ERBB4: variants seen among roughly 807,000 people sequenced by gnomAD.
The protein encoded by ERBB4 is erb-b2 receptor tyrosine kinase 4.
A neutral mutation model predicts 158.0 loss-of-function variants in ERBB4; 42 were observed. The ratio of observed to expected loss-of-function variants is 0.27; its 90% CI spans 0.21 to 0.34. ERBB4 has a LOEUF of 0.34. ERBB4 is among the 10% of genes least tolerant of loss of function. The pLI, the probability that ERBB4 is intolerant of heterozygous loss-of-function variation, is 1.00. For missense variants in ERBB4, 1,333 were observed against 1,624.1 expected, an observed-to-expected ratio of 0.82 and a Z score of 3.08; for synonymous variants, 583 against 558.7, an observed-to-expected ratio of 1.04 and a Z score of -0.61.
chr2:212,481,815 A>G (rs1410688910), intron 1 of ERBB4, among the ~76,000 whole-genome samples: 1 of 152,246 alleles, frequency 6.6e-6, no homozygotes, highest in African/African-American at 2.4e-5. Flanking sequence ...TAAAGTATTT[A>G]AAGAAAGCTG....
At chr2:211,475,674 GAAT>G (rs2064936341) in intron 20 of ERBB4, among the ~76,000 whole-genome samples, 1 of 152,028 alleles carries the variant, frequency 6.6e-6, no homozygotes, top group Non-Finnish European at 1.5e-5. Context: ...CAAGAGGGCA[GAAT>G]AATATTACCC....
At chr2:212,294,946 C>T (rs17346754) in intron 1 of ERBB4, among the ~76,000 whole-genome samples, 25,237 of 152,054 alleles carry the variant, frequency 0.17, 2,278 homozygotes, top group South Asian at 0.3. Context: ...AGGCATGAAG[C>T]CTTTGCCATA....
At chr2:212,177,959 A>T (rs906751932) in intron 1 of ERBB4, among the ~76,000 whole-genome samples, 3 of 149,380 alleles carry the variant, frequency 2.0e-5, no homozygotes, top group African/African-American at 4.9e-5. Context: ...TGTGAGTGTG[A>T]GTGTGTGTGT....
At chr2:212,120,763 T>C (rs1005219541) in intron 2 of ERBB4, among the ~76,000 whole-genome samples, 3 of 152,156 alleles carry the variant, frequency 2.0e-5, no homozygotes, top group African/African-American at 7.2e-5. Flanking sequence ...AAATACATCA[T>C]TTGGGTCACT....
chr2:211,866,062 T>C (rs1194669854), intron 3 of ERBB4, among the ~76,000 whole-genome samples: 2 of 152,130 alleles, frequency 1.3e-5, no homozygotes, highest in African/African-American at 4.8e-5. Context: ...CCATCCTGGC[T>C]AACACAGTGA....
At chr2:212,439,010 A>G (rs2092196153) in intron 1 of ERBB4, among the ~76,000 whole-genome samples, 1 of 152,128 alleles carries the variant, frequency 6.6e-6, no homozygotes, top group African/African-American at 2.4e-5. Context: ...TGTTAGAAAA[A>G]CTGGATGCCC....
At chr2:211,787,948 G>A in intron 4 of ERBB4, 77 bp downstream of exon 4, 1 of 1,407,188 alleles carries the variant, frequency 7.1e-7, no homozygotes, top group Non-Finnish European at 1.0e-6. Context: ...TATTAGTAAT[G>A]ACATAATAAG....
Position 211,383,685 on chromosome 2 carries a change from G to C in ERBB4, c.3857C>G (p.Ser1286Cys), listed in dbSNP as rs1213182678. The C allele has an allele frequency of 3.7e-6, 6 of 1,613,956 alleles. No homozygotes were observed. In the African/African-American group the frequency reaches 8.0e-5, roughly 22 times the overall value. ...AGTGCCTGGCTTCAGGGAGAACTCA[G>C]AGAGGTATTCAGGATTCTCTGCCAC... ...PIVAENPEYL[S>C]EFSLKPGTVL... is the part of the protein sequence containing the mutation. Residue 1286 changes from serine to cysteine, a missense_variant, in exon 28 of 28, where the codon TCT becomes TGT. This residue lies in a region of ERBB4 where 84 missense variants were observed against 110.8 expected (regional missense o/e 0.76). Transcript: ENST00000342788.
rs2062718707 is a variant in ERBB4 at position 211,387,854 on chromosome 2, A to C, written c.3183+91T>G. The C allele has an allele frequency of 4.8e-6, 5 of 1,032,878 alleles. No individual in the cohort carries two copies. The Admixed American group carries it at 8.5e-5, about 18-fold the overall frequency. The allele number at this position is 1,032,878 out of a possible 1,614,324, so 64.0% of individuals were successfully genotyped here. A position where few individuals can be genotyped will look rare whatever the true frequency, so the allele number is the denominator to read the frequency against. On this transcript the variant is annotated intron_variant, in intron 26 of 27. Transcript: ENST00000342788. ...TCTTAACTCACTGTTGGCAAAGGCA[A>C]AATGAGGAAATTATGCAGAGACGAG...
At chr2:211,907,174 A>C (rs2079417631) in intron 3 of ERBB4, among the ~76,000 whole-genome samples, 2 of 151,820 alleles carry the variant, frequency 1.3e-5, no homozygotes, top group African/African-American at 4.8e-5. Flanking sequence ...TTCACTAAAT[A>C]TAATATCTAA....
At chr2:211,484,526 G>C (rs1016879436) in intron 20 of ERBB4, among the ~76,000 whole-genome samples, 19 of 152,004 alleles carry the variant, frequency 1.2e-4, no homozygotes, top group Admixed American at 6.6e-5. Context: ...ATTATAACGT[G>C]CTAACAATAA....
chr2:212,423,815 C>T (rs1438056577), intron 1 of ERBB4, among the ~76,000 whole-genome samples: 1 of 152,130 alleles, frequency 6.6e-6, no homozygotes, highest in Admixed American at 6.6e-5. Context: ...GGTATACTTT[C>T]ACCTGATGAG....
chr2:212,144,470 C>A (rs2080596706), intron 1 of ERBB4, among the ~76,000 whole-genome samples: 1 of 152,264 alleles, frequency 6.6e-6, no homozygotes, highest in Non-Finnish European at 1.5e-5. Context: ...ATTTTTAATT[C>A]ATTCCTTTGA....
At chr2:211,692,702 C>T (rs975817758) in intron 12 of ERBB4, among the ~76,000 whole-genome samples, 12 of 152,076 alleles carry the variant, frequency 7.9e-5, no homozygotes, top group East Asian at 3.9e-4. Context: ...TATAAAGACA[C>T]GTGTGATTAT....
chr2:212,068,885 G>C (rs1366841496), intron 2 of ERBB4, among the ~76,000 whole-genome samples: 1 of 152,028 alleles, frequency 6.6e-6, no homozygotes, highest in Non-Finnish European at 1.5e-5. Flanking sequence ...GGAAGGGAAA[G>C]TATCTATACA....
chr2:212,122,465 TGC>T (rs2079786746), intron 2 of ERBB4, among the ~76,000 whole-genome samples: 1 of 152,138 alleles, frequency 6.6e-6, no homozygotes, highest in Non-Finnish European at 1.5e-5. Context: ...AATAAAGATA[TGC>T]ACATGGATTA....
chr2:211,989,343 G>A (rs566823814), intron 2 of ERBB4, among the ~76,000 whole-genome samples: 5 of 151,718 alleles, frequency 3.3e-5, no homozygotes, highest in African/African-American at 1.2e-4. Context: ...TTGCTTCAAT[G>A]GAAAAATTTT....
chr2:211,413,892 T>C (rs2063323370), intron 25 of ERBB4, among the ~76,000 whole-genome samples: 1 of 151,726 alleles, frequency 6.6e-6, no homozygotes, highest in Non-Finnish European at 1.5e-5. Context: ...CTCCCTCAAA[T>C]TGAATACTAG....
intron 17 of ERBB4, among the ~76,000 whole-genome samples, chr2:211,628,982 C>G (rs2069981426): frequency 6.6e-6 from 1 of 152,130 alleles, no homozygotes; most frequent in Non-Finnish European, 1.5e-5. Flanking sequence ...TGAGAAATGT[C>G]TGTTCATATA....
Sources: gnomAD v4.1 joint callset for allele counts (sites outside exome capture counted in the v4.1 genomes callset) on GRCh38, gnomAD v4.1.1 for gene constraint, gnomAD v4.1.1 regional missense constraint, MANE v1.5 for transcripts, NCBI Gene and HGNC (gene_info 2026-07-23, HGNC 2026-07-21) for gene names.